Variants in FYB1 observed in about 807,000 individuals in gnomAD.
The protein encoded by FYB1 is FYN-binding protein 1.
Under a neutral mutation model 94.1 loss-of-function variants are expected in FYB1, and 41 were observed. The ratio of observed to expected loss-of-function variants is 0.44; its 90% CI spans 0.34 to 0.57. The LOEUF is 0.57. Ranked by LOEUF, FYB1 falls within the 20% of genes least tolerant of loss-of-function variation. FYB1 has a pLI of 0.02. For missense variants in FYB1, 1,050 were observed against 976.8 expected (o/e 1.07, Z -1.00); for synonymous variants, 367 against 353.2 (o/e 1.04, Z -0.44).
intron 1 of FYB1, among the ~76,000 whole-genome samples, chr5:39,263,480 GTGTGGAGTGATATTAGCC>G (rs1009272884): frequency 1.3e-5 from 2 of 152,016 alleles, no homozygotes; most frequent in African/African-American, 4.8e-5. Context: ...ACAGGGAAGT[GTGTGGAGTGATATTAGCC>G]TATCACTCAG....
upstream of FYB1, chr5:39,219,752 C>A: frequency 4.0e-6 from 1 of 251,188 alleles, no homozygotes; most frequent in Non-Finnish European, 6.3e-6. Flanking sequence ...ACATTCCCAC[C>A]AAGCATGTGA....
intron 1 of FYB1, among the ~76,000 whole-genome samples, chr5:39,230,806 G>T (rs952529021): frequency 2.0e-5 from 3 of 149,676 alleles, no homozygotes; most frequent in African/African-American, 7.5e-5. Context: ...GCTGAGAATT[G>T]CTGACTCTGT....
chr5:39,273,060 A>T (rs994307540), intron 1 of FYB1, among the ~76,000 whole-genome samples: 27 of 152,074 alleles, frequency 1.8e-4, no homozygotes, highest in African/African-American at 6.5e-4. Flanking sequence ...CCCGTCCGGG[A>T]GGTGGGGGGC....
At chr5:39,220,385 G>A, upstream of FYB1, among the ~76,000 whole-genome samples, 1 of 144,414 alleles carries the variant, frequency 6.9e-6, no homozygotes, top group Admixed American at 7.2e-5. Context: ...TTGCACTCCA[G>A]CCTGGGTAAC....
At chr5:39,113,597 A>G (rs1739267713) in intron 16 of FYB1, among the ~76,000 whole-genome samples, 1 of 152,170 alleles carries the variant, frequency 6.6e-6, no homozygotes, top group East Asian at 1.9e-4. Flanking sequence ...TTGTGAATAC[A>G]GATTAACCAA....
intron 1 of FYB1, among the ~76,000 whole-genome samples, chr5:39,233,423 C>A (rs1750831254): frequency 6.6e-6 from 1 of 152,088 alleles, no homozygotes; most frequent in Non-Finnish European, 1.5e-5. Context: ...TTGTACTCAC[C>A]ATCTTCTAGA....
chr5:39,142,160 T>C (rs577540055), intron 3 of FYB1, among the ~76,000 whole-genome samples: 1 of 152,222 alleles, frequency 6.6e-6, no homozygotes, highest in African/African-American at 2.4e-5. Flanking sequence ...TGGTATTAAA[T>C]CTCAGCTGTA....
chr5:39,126,721 C>CAAAAAA (rs1740702328), intron 11 of FYB1, among the ~76,000 whole-genome samples: 1 of 107,048 alleles, frequency 9.3e-6, no homozygotes, highest in African/African-American at 5.4e-5. Context: ...AAAAAAAAAG[C>CAAAAAA]TTGGACATCA....
intron 1 of FYB1, among the ~76,000 whole-genome samples, chr5:39,255,474 C>T (rs537853133): frequency 1.3e-5 from 2 of 148,550 alleles, no homozygotes; most frequent in African/African-American, 5.0e-5. Flanking sequence ...GACTTCAGTA[C>T]CTTTTTTTAT....
At chr5:39,182,080 T>C (rs1469923807) in intron 2 of FYB1, among the ~76,000 whole-genome samples, 1 of 149,258 alleles carries the variant, frequency 6.7e-6, no homozygotes, top group Non-Finnish European at 1.5e-5. Context: ...CAGGTCACCC[T>C]CATGTTTAGG....
intron 3 of FYB1, among the ~76,000 whole-genome samples, chr5:39,144,388 G>A (rs1742454090): frequency 6.6e-6 from 1 of 152,178 alleles, no homozygotes; most frequent in Non-Finnish European, 1.5e-5. Context: ...CTATATTATA[G>A]AGAGCAATCA....
chr5:39,148,181 ATATAT>A (rs1742905308), intron 3 of FYB1, among the ~76,000 whole-genome samples: 1 of 84,340 alleles, frequency 1.2e-5, no homozygotes, highest in Non-Finnish European at 2.2e-5. Context: ...ATATATATAT[ATATAT>A]ATATATATAT....
chr5:39,135,444 TATA>T (rs1334949090), intron 7 of FYB1, among the ~76,000 whole-genome samples: 2 of 152,260 alleles, frequency 1.3e-5, no homozygotes, highest in Non-Finnish European at 2.9e-5. Context: ...CATTACCTGC[TATA>T]AACAAGATAA....
intron 3 of FYB1, among the ~76,000 whole-genome samples, chr5:39,150,261 T>C (rs867876532): frequency 6.6e-6 from 1 of 152,002 alleles, no homozygotes; most frequent in South Asian, 2.1e-4. Flanking sequence ...TCGCTTTCTG[T>C]CATAATAATG....
intron 16 of FYB1, among the ~76,000 whole-genome samples, chr5:39,112,773 C>A (rs572245255): frequency 6.6e-6 from 1 of 152,070 alleles, no homozygotes; most frequent in African/African-American, 2.4e-5. Context: ...CTTAGATTCT[C>A]AACCTGTATT....
Position 39,136,498 on chromosome 5 carries a change from A to G in FYB1, c.1515+1102T>C, listed in dbSNP as rs566330542. 1.3e-4 allele frequency among the ~76,000 whole-genome samples: 20 copies of G among 152,360 alleles called. No homozygotes were observed. The South Asian group carries it at 4.1e-3, about 32-fold the overall frequency. On this transcript the variant is annotated intron_variant, in intron 7 of 18. Coordinates refer to ENST00000512982, the MANE Select transcript of FYB1 (RefSeq NM_001465.6). ...ACGGTAATCATAATTTTACTTACAT[A>G]TAGCAAGCTTTTTCAAAATCAAATG... is the stretch of plus-strand genomic sequence containing the variant.
intron 1 of FYB1, among the ~76,000 whole-genome samples, chr5:39,273,327 A>G (rs1752716177): frequency 6.6e-6 from 1 of 152,252 alleles, no homozygotes; most frequent in Admixed American, 6.5e-5. Flanking sequence ...GGAAAAAAAA[A>G]GAAAAGTTGA....
intron 3 of FYB1, among the ~76,000 whole-genome samples, chr5:39,147,406 C>T (rs779025842): frequency 1.3e-5 from 2 of 150,200 alleles, no homozygotes; most frequent in South Asian, 2.1e-4. Context: ...GTAGCTGAGA[C>T]GACAGGCACG....
intron 1 of FYB1, among the ~76,000 whole-genome samples, chr5:39,235,330 A>G (rs147152793): frequency 7.2e-4 from 109 of 152,022 alleles, no homozygotes; most frequent in African/African-American, 2.4e-3. Context: ...TTCTTGAGAA[A>G]TGAACAAAGG....
Sources: gnomAD v4.1 joint callset for allele counts (sites outside exome capture counted in the v4.1 genomes callset) on GRCh38, gnomAD v4.1.1 for gene constraint, MANE v1.5 for transcripts, NCBI Gene and HGNC (gene_info 2026-07-23, HGNC 2026-07-21) for gene names.